The following UNC5C variants were observed in gnomAD, a reference collection of about 807,000 sequenced individuals.
UNC5C encodes the protein unc-5 netrin receptor C.
Under a neutral mutation model 99.8 loss-of-function variants are expected in UNC5C, and 47 were observed. That is an observed-to-expected ratio of 0.47 (90% CI 0.37 to 0.60). The LOEUF (loss-of-function observed/expected upper bound fraction) is 0.60. Ranked by LOEUF, UNC5C falls within the 20% of genes least tolerant of loss-of-function variation. The pLI is 0.00. For missense variants in UNC5C, 1,062 were observed against 1,165.9 expected (o/e 0.91, Z 1.30); for synonymous variants, 487 against 452.2 (o/e 1.08, Z -0.98).
intron 1 of UNC5C, among the ~76,000 whole-genome samples, chr4:95,493,376 A>G (rs1243900680): frequency 6.6e-6 from 1 of 151,456 alleles, no homozygotes; most frequent in Admixed American, 6.6e-5. Context: ...CATGGTTGGA[A>G]AGATGGCAGG....
At chr4:95,394,399 G>C in intron 1 of UNC5C, among the ~76,000 whole-genome samples, 1 of 152,158 alleles carries the variant, frequency 6.6e-6, no homozygotes, top group East Asian at 1.9e-4. Context: ...CTCCTCTTGG[G>C]AGAACAGGGA....
intron 3 of UNC5C, among the ~76,000 whole-genome samples, chr4:95,289,022 C>G (rs7695299): frequency 0.66 from 99,411 of 151,668 alleles, 33,549 homozygotes; most frequent in African/African-American, 0.83. Flanking sequence ...TAGTTTAATC[C>G]TAGTTCTGTA....
chr4:95,306,236 T>C (rs1036828099), intron 2 of UNC5C, among the ~76,000 whole-genome samples: 2 of 152,164 alleles, frequency 1.3e-5, no homozygotes, highest in Non-Finnish European at 1.5e-5. Flanking sequence ...GGAGTCTTGC[T>C]CTGTCACCCA....
intron 14 of UNC5C, among the ~76,000 whole-genome samples, chr4:95,170,651 G>C (rs1250957798): frequency 3.3e-5 from 5 of 152,210 alleles, no homozygotes; most frequent in Non-Finnish European, 5.9e-5. Context: ...CAGGCTGAGA[G>C]AGAAGAGAGG....
chr4:95,471,863 T>C (rs1332975940), intron 1 of UNC5C, among the ~76,000 whole-genome samples: 1 of 152,142 alleles, frequency 6.6e-6, no homozygotes, highest in Non-Finnish European at 1.5e-5. Context: ...TTTTCTCTTT[T>C]TAAATTCCAA....
chr4:95,443,051 G>T (rs1467003274), intron 1 of UNC5C, among the ~76,000 whole-genome samples: 1 of 152,074 alleles, frequency 6.6e-6, no homozygotes, highest in East Asian at 1.9e-4. Context: ...TGAGAAGCTG[G>T]GGATATTTTA....
At chr4:95,189,966 T>C (rs1737003535) in intron 12 of UNC5C, among the ~76,000 whole-genome samples, 1 of 152,160 alleles carries the variant, frequency 6.6e-6, no homozygotes, top group Non-Finnish European at 1.5e-5. Flanking sequence ...AGAAATACCA[T>C]TTGACCCAGC....
At chr4:95,475,279 G>A (rs563582857) in intron 1 of UNC5C, among the ~76,000 whole-genome samples, 1 of 152,164 alleles carries the variant, frequency 6.6e-6, no homozygotes, top group African/African-American at 2.4e-5. Context: ...AAGGGAACAT[G>A]TGAGAACACG....
chr4:95,337,391 C>G (rs1216025948), intron 1 of UNC5C, among the ~76,000 whole-genome samples: 1 of 151,802 alleles, frequency 6.6e-6, no homozygotes, highest in African/African-American at 2.4e-5. Context: ...ACTACCTTAC[C>G]TTATTCAATA....
rs200794117 is a variant in UNC5C at position 95,180,484 on chromosome 4, C to CAGTT, written c.2451+2409_2451+2412dup. Reference sequence around the variant, plus strand: ...ATTTTGACATTCATTTGTGTCAATACAGTTAGTTAGTCTTCCAGACATTTT... The same window carrying CAGTT: ...ATTTTGACATTCATTTGTGTCAATACAGTTAGTTAGTTAGTCTTCCAGACATTTT... On this transcript the variant is annotated intron_variant, in intron 14 of 15. Coordinates refer to ENST00000453304, the MANE Select transcript of UNC5C (RefSeq NM_003728.4). 9.5e-3 allele frequency among the ~76,000 whole-genome samples: 1,446 copies of CAGTT among 152,320 alleles called. 24 individuals are homozygous for CAGTT. The highest frequency in any genetic ancestry group is 0.031 in the African/African-American group (1,309 of 41,572).
intron 4 of UNC5C, among the ~76,000 whole-genome samples, chr4:95,259,357 C>T (rs543961508): frequency 2.6e-4 from 40 of 152,144 alleles, no homozygotes; most frequent in African/African-American, 9.2e-4. Context: ...ATACTAAAAG[C>T]GGTGAGACAA....
At chr4:95,529,568 A>G (rs1314085367) in intron 1 of UNC5C, among the ~76,000 whole-genome samples, 3 of 151,704 alleles carry the variant, frequency 2.0e-5, no homozygotes, top group Non-Finnish European at 4.4e-5. Flanking sequence ...TCTACAAAAA[A>G]CTAAAAAATC....
chr4:95,328,958 G>C lies in UNC5C; in HGVS notation c.346+6452C>G, dbSNP rs541666305. Among the ~76,000 whole-genome samples the C allele has an allele frequency of 1.4e-3, 211 of 152,228 alleles. 1 individual carries two copies. The highest frequency in any genetic ancestry group is 4.8e-3 in the African/African-American group (201 of 41,528). Reference sequence around the variant, plus strand: ...CTGCATGCTCCCCCTCTCGAAAGCTGTTTGAGTGTGGCTTAAAGAGTAAAT... The same window carrying C: ...CTGCATGCTCCCCCTCTCGAAAGCTCTTTGAGTGTGGCTTAAAGAGTAAAT... On this transcript the variant is annotated intron_variant, in intron 2 of 15. Transcript: ENST00000453304.
At chr4:95,461,660 A>G (rs1747603293) in intron 1 of UNC5C, among the ~76,000 whole-genome samples, 1 of 152,220 alleles carries the variant, frequency 6.6e-6, no homozygotes, top group Non-Finnish European at 1.5e-5. Flanking sequence ...GAAAATAACA[A>G]CAATGACAAC....
chr4:95,178,538 A>G (rs1405571128), intron 14 of UNC5C, among the ~76,000 whole-genome samples: 1 of 152,228 alleles, frequency 6.6e-6, no homozygotes, highest in Non-Finnish European at 1.5e-5. Flanking sequence ...CACACACAAG[A>G]AGCTACTCAA....
chr4:95,196,644 A>G (rs554198247), intron 12 of UNC5C, among the ~76,000 whole-genome samples: 1 of 149,120 alleles, frequency 6.7e-6, no homozygotes, highest in South Asian at 2.1e-4. Flanking sequence ...CAAAGAGGTG[A>G]GTAGGGAGAA....
intron 2 of UNC5C, 114 bp downstream of exon 2, chr4:95,335,296 G>A: frequency 9.8e-7 from 1 of 1,022,756 alleles, no homozygotes. Context: ...AAAACTTTTT[G>A]TCAGAGAATA....
intron 1 of UNC5C, among the ~76,000 whole-genome samples, chr4:95,435,645 AC>A (rs1294972570): frequency 6.6e-6 from 1 of 152,006 alleles, no homozygotes; most frequent in Non-Finnish European, 1.5e-5. Context: ...TGTGTTAGGG[AC>A]CATACCCATC....
chr4:95,541,956 G>A (rs867818252), intron 1 of UNC5C, among the ~76,000 whole-genome samples: 25 of 152,210 alleles, frequency 1.6e-4, no homozygotes, highest in African/African-American at 5.3e-4. Flanking sequence ...GGGAGTTTCT[G>A]TTGTTTCACA....
Sources: gnomAD v4.1 joint callset for allele counts (sites outside exome capture counted in the v4.1 genomes callset) on GRCh38, gnomAD v4.1.1 for gene constraint, MANE v1.5 for transcripts, NCBI Gene and HGNC (gene_info 2026-07-23, HGNC 2026-07-21) for gene names.